The following P2RY8 variants were observed in gnomAD, a reference collection of about 807,000 sequenced individuals.
P2RY8 encodes the protein S-geranylgeranyl-glutathione receptor P2RY8.
P2RY8 carries 6 observed loss-of-function variants against 10.0 expected under a neutral mutation model. That is an observed-to-expected ratio of 0.60 (90% CI 0.33 to 1.19). The LOEUF (loss-of-function observed/expected upper bound fraction) is 1.19, where lower values mean the gene tolerates loss of function less well. Ranked by LOEUF, P2RY8 falls within the 50% of genes most tolerant of loss-of-function variation. The probability of loss-of-function intolerance (pLI) is 0.04; values close to 1 mark genes in which losing one functional copy is unlikely to be tolerated. For synonymous variants in P2RY8, 276 were observed against 252.5 expected (o/e 1.09, Z -0.88); for missense variants, 456 against 542.0 (o/e 0.84, Z 1.58).
intron 1 of P2RY8, among the ~76,000 whole-genome samples, chrX:1,468,753 C>CCTCTCCTCTCTCCT (rs2091730480): frequency 3.0e-3 from 1 of 334 alleles, no homozygotes; most frequent in African/African-American, 0.012. Context: ...TCCTCTCTCC[C>CCTCTCCTCTCTCCT]CTCTCCCCTC....
At chrX:1,529,656 ACTAT>A (rs1293977831) in intron 1 of P2RY8, among the ~76,000 whole-genome samples, 9 of 152,194 alleles carry the variant, frequency 5.9e-5, no homozygotes, top group African/African-American at 1.7e-4. Context: ...TCTGTTAGTG[ACTAT>A]CTATCCATCT....
chrX:1,474,849 G>T (rs1314881200), intron 1 of P2RY8, among the ~76,000 whole-genome samples: 1 of 146,236 alleles, frequency 6.8e-6, no homozygotes, highest in African/African-American at 2.6e-5. Flanking sequence ...TAGATGGGTG[G>T]CTGGATAGAT....
At chrX:1,512,481 A>G (rs2092305552) in intron 1 of P2RY8, among the ~76,000 whole-genome samples, 1 of 131,892 alleles carries the variant, frequency 7.6e-6, no homozygotes, top group South Asian at 2.6e-4. Context: ...TGGGAGGTGG[A>G]GGTTGCAGTG....
intron 1 of P2RY8, among the ~76,000 whole-genome samples, chrX:1,469,901 T>TCAAAA (rs1569536510): frequency 1.3e-5 from 2 of 151,742 alleles, no homozygotes; most frequent in African/African-American, 4.8e-5. Flanking sequence ...AGACTCTGTC[T>TCAAAA]CAAAACAAAA....
At chrX:1,506,837 C>A (rs2092238441) in intron 1 of P2RY8, among the ~76,000 whole-genome samples, 1 of 151,852 alleles carries the variant, frequency 6.6e-6, no homozygotes, top group Non-Finnish European at 1.5e-5. Context: ...GCCACCACGC[C>A]CGGCTAATTT....
At chrX:1,512,227 T>C (rs1298693881) in intron 1 of P2RY8, among the ~76,000 whole-genome samples, 1 of 152,016 alleles carries the variant, frequency 6.6e-6, no homozygotes, top group East Asian at 1.9e-4. Context: ...AGGCCCACGG[T>C]ATTAGTCTGT....
intron 1 of P2RY8, among the ~76,000 whole-genome samples, chrX:1,469,877 T>G (rs1449927208): frequency 6.6e-6 from 1 of 152,044 alleles, no homozygotes; most frequent in Non-Finnish European, 1.5e-5. Flanking sequence ...CCATCCAGCC[T>G]GGGCAACAGA....
Position 1,465,485 on chromosome X carries a change from C to A in P2RY8, c.1074G>T (p.Val358=). Residue 358 remains valine (V), a synonymous_variant, in exon 2 of 2, where the codon GTG becomes GTT. Transcript: ENST00000381297. ...CAAGCTGCGCCCCCGGGACTCAGAA[C>A]ACACTCTCCTGCCTCTGGAGGCCGG... is the stretch of plus-strand genomic sequence containing the variant. The part of the protein sequence containing the change: ...TRPGLQRQES[V]F 1 of 1,603,812 alleles carries A rather than the reference C, an allele frequency of 6.2e-7. No individual in the cohort carries two copies. Among genetic ancestry groups the A allele is most frequent in the Non-Finnish European group, 8.5e-7 (1 of 1,175,194 alleles).
At chrX:1,513,373 G>A (rs1481090954) in intron 1 of P2RY8, among the ~76,000 whole-genome samples, 1 of 152,056 alleles carries the variant, frequency 6.6e-6, no homozygotes, top group Admixed American at 6.6e-5. Flanking sequence ...GATTTGGGTG[G>A]GGATATAGTC....
At position 1,509,431 on chromosome X, in the gene P2RY8, A is replaced by G. The variant is rs1428331101; in HGVS notation, c.-25+27490T>C. Among the ~76,000 whole-genome samples the G allele has an allele frequency of 4.7e-5, 6 of 127,784 alleles. No individual in the cohort carries two copies. In the East Asian group the frequency reaches 1.4e-3, roughly 30 times the overall value. 83.8% of individuals were successfully genotyped at this position (127,784 alleles called of 152,430 possible). The stretch of plus-strand genomic sequence containing the variant: ...ATCTATCTATTTCTATTATCTATCT[A>G]TCATCTATGTATCTATGTATCTATC... On this transcript the variant is annotated intron_variant, in intron 1 of 1. Coordinates refer to ENST00000381297, the MANE Select transcript of P2RY8 (RefSeq NM_178129.5).
At chrX:1,533,960 ATATATT>A (rs1306198843) in intron 1 of P2RY8, among the ~76,000 whole-genome samples, 1 of 123,860 alleles carries the variant, frequency 8.1e-6, no homozygotes, top group African/African-American at 3.3e-5. Flanking sequence ...TTACATAGTT[ATATATT>A]TATAACTTAA....
intron 1 of P2RY8, among the ~76,000 whole-genome samples, chrX:1,505,140 A>G (rs1426852989): frequency 7.9e-5 from 11 of 138,908 alleles, no homozygotes; most frequent in African/African-American, 3.0e-4. Context: ...TCTGTCTCAA[A>G]AAAAAAAAAA....
intron 1 of P2RY8, among the ~76,000 whole-genome samples, chrX:1,509,138 TCTATC>T (rs2092268271): frequency 6.7e-6 from 1 of 148,308 alleles, no homozygotes; most frequent in African/African-American, 2.5e-5. Flanking sequence ...TATCTATCTA[TCTATC>T]ATCTATGTAT....
chrX:1,512,490 TG>T (rs1320349608), intron 1 of P2RY8, among the ~76,000 whole-genome samples: 24 of 129,532 alleles, frequency 1.9e-4, no homozygotes, highest in Middle Eastern at 5.1e-3. Flanking sequence ...GAGGTTGCAG[TG>T]GGCTGAGATC....
In P2RY8 at chrX:1,466,070, G is replaced by C; in HGVS notation, c.489C>G (p.Leu163=). Residue 163 remains leucine, a synonymous_variant, in exon 2 of 2, where the codon CTC becomes CTG. Transcript: ENST00000381297. The part of the protein sequence containing the change: ...TALSPLARTD[L]TYPVHALGII... ...TGCCCAGGGCGTGCACCGGGTAGGTGAGATCGGTGCGCGCCAGCGGGGACA... is the reference window on the plus strand; with the variant it reads ...TGCCCAGGGCGTGCACCGGGTAGGTCAGATCGGTGCGCGCCAGCGGGGACA... 6.2e-7 allele frequency: 1 copy of C among 1,611,764 alleles called. No homozygotes were observed. The highest frequency in any genetic ancestry group is 1.3e-5 in the African/African-American group (1 of 74,982).
intron 1 of P2RY8, among the ~76,000 whole-genome samples, chrX:1,524,261 AC>A (rs1225189612): frequency 7.9e-5 from 12 of 151,608 alleles, no homozygotes; most frequent in Non-Finnish European, 1.3e-4. Flanking sequence ...CCAGCTGCTT[AC>A]CCCCCTCTCT....
At chrX:1,508,165 G>A (rs1376361202) in intron 1 of P2RY8, among the ~76,000 whole-genome samples, 1 of 152,188 alleles carries the variant, frequency 6.6e-6, no homozygotes, top group Admixed American at 6.5e-5. Flanking sequence ...ATTGCTGAGT[G>A]TCTCTAAAAC....
intron 1 of P2RY8, among the ~76,000 whole-genome samples, chrX:1,492,569 C>T (rs1192149421): frequency 1.8e-4 from 27 of 152,252 alleles, no homozygotes; most frequent in African/African-American, 6.5e-4. Context: ...GAGAAACTGA[C>T]AACCATGTAA....
At chrX:1,498,405 C>CAAAAAA (rs1175667773) in intron 1 of P2RY8, among the ~76,000 whole-genome samples, 1 of 70,560 alleles carries the variant, frequency 1.4e-5, no homozygotes, top group African/African-American at 5.0e-5. Context: ...GACTCTGTCT[C>CAAAAAA]AAAAAAAAAA....
Sources: gnomAD v4.1 joint callset for allele counts (sites outside exome capture counted in the v4.1 genomes callset) on GRCh38, gnomAD v4.1.1 for gene constraint, MANE v1.5 for transcripts, NCBI Gene and HGNC (gene_info 2026-07-23, HGNC 2026-07-21) for gene names.